Variants in FAM135A observed in about 807,000 individuals in gnomAD.
The protein encoded by FAM135A is protein FAM135A.
FAM135A carries 79 observed loss-of-function variants against 146.8 expected under a neutral mutation model. The observed-to-expected ratio is 0.54, with a 90% CI of 0.45 to 0.65. The LOEUF (loss-of-function observed/expected upper bound fraction) is 0.65. Among genes scored for constraint, FAM135A ranks in the 30% least tolerant of loss-of-function variants. The probability of loss-of-function intolerance (pLI) is 0.00; values close to 1 mark genes in which losing one functional copy is unlikely to be tolerated. For synonymous variants in FAM135A, 562 were observed against 603.6 expected, an observed-to-expected ratio of 0.93 and a Z score of 1.01; for missense variants, 1,623 against 1,758.2, an observed-to-expected ratio of 0.92 and a Z score of 1.38.
intron 5 of FAM135A, among the ~76,000 whole-genome samples, chr6:70,469,465 T>C (rs780879689): frequency 1.1e-4 from 17 of 152,240 alleles, no homozygotes; most frequent in Admixed American, 2.6e-4. Flanking sequence ...TACAACTTCT[T>C]ATCTGGCATG....
intron 12 of FAM135A, chr6:70,513,262 G>C (rs570073211): frequency 2.0e-5 from 3 of 151,502 alleles, no homozygotes; most frequent in East Asian, 3.9e-4. Flanking sequence ...GGCTATTCTA[G>C]ATCTCTTGCA....
intron 12 of FAM135A, among the ~76,000 whole-genome samples, chr6:70,507,343 C>T (rs907601883): frequency 6.6e-6 from 1 of 152,078 alleles, no homozygotes; most frequent in Middle Eastern, 3.2e-3. Context: ...TCTGAGAATA[C>T]AGTGCTAAGC....
In FAM135A at chr6:70,528,357, C is replaced by T; in HGVS notation, c.3680C>T (p.Pro1227Leu). 2 of 1,613,686 alleles carry T rather than the reference C, an allele frequency of 1.2e-6. No individual in the cohort carries two copies. The highest frequency in any genetic ancestry group is 1.7e-6 in the Non-Finnish European group (2 of 1,179,770). Residue 1227 changes from proline (P) to leucine (L), a missense_variant, in exon 16 of 22, where the codon CCT becomes CTT. Pro to Leu is a moderately conservative substitution (Grantham distance 98, BLOSUM62 -3). This residue lies in a region of FAM135A where 1,061 missense variants were observed against 1,113.8 expected (regional missense o/e 0.95). Transcript: ENST00000418814. ...CCTGGGTTCATGTACAGTGAAGTTC[C>T]TCTGCTGGCATCCTCAGTACCTTAT... Reference protein sequence around the residue: ...KLPGFMYSEVPLLASSVPYFS... With the variant: ...KLPGFMYSEVLLLASSVPYFS...
At chr6:70,466,155 C>G (rs1214738971) in intron 5 of FAM135A, among the ~76,000 whole-genome samples, 1 of 152,138 alleles carries the variant, frequency 6.6e-6, no homozygotes, top group Non-Finnish European at 1.5e-5. Flanking sequence ...GAATGTGTAA[C>G]TTTGCATTAT....
At chr6:70,416,209 A>T (rs1416042931) in intron 2 of FAM135A, among the ~76,000 whole-genome samples, 1 of 152,200 alleles carries the variant, frequency 6.6e-6, no homozygotes, top group African/African-American at 2.4e-5. Context: ...GAGTTTTCTA[A>T]TTAGTACATT....
intron 17 of FAM135A, 93 bp from the exon 18 acceptor site, chr6:70,533,664 T>G (rs958350312): frequency 7.1e-5 from 53 of 747,482 alleles, no homozygotes; most frequent in Non-Finnish European, 1.1e-4. Context: ...AACCATACTT[T>G]CAGTACCTAA....
At chr6:70,468,730 GA>G in intron 5 of FAM135A, among the ~76,000 whole-genome samples, 1 of 152,292 alleles carries the variant, frequency 6.6e-6, no homozygotes, top group South Asian at 2.1e-4. Flanking sequence ...TAGAGAGTAA[GA>G]ATCTAGCTGA....
intron 4 of FAM135A, among the ~76,000 whole-genome samples, chr6:70,433,596 G>A (rs2127828635): frequency 6.6e-6 from 1 of 151,018 alleles, no homozygotes; most frequent in African/African-American, 2.4e-5. Context: ...ATCGAAGCTT[G>A]TCCACGCGTT....
Position 70,533,899 on chromosome 6 carries a change from A to C in FAM135A, c.3965+45A>C, listed in dbSNP as rs769264805. On this transcript the variant is annotated intron_variant, in intron 18 of 21. Coordinates refer to ENST00000418814, the MANE Select transcript of FAM135A (RefSeq NM_001162529.3). Reference sequence around the variant, plus strand: ...GCAATTTATTTTTATATTTCTATGAATTGTATAAAAGTTAAACAGAATTTG... The same window carrying C: ...GCAATTTATTTTTATATTTCTATGACTTGTATAAAAGTTAAACAGAATTTG... The C allele has an allele frequency of 5.4e-5, 57 of 1,055,028 alleles. 1 individual carries two copies. The highest frequency in any genetic ancestry group is 7.4e-5 in the Non-Finnish European group (57 of 765,276). 65.4% of individuals were successfully genotyped at this position (1,055,028 alleles called of 1,614,324 possible).
intron 12 of FAM135A, among the ~76,000 whole-genome samples, chr6:70,508,448 A>G (rs1790282579): frequency 1.3e-5 from 2 of 152,316 alleles, no homozygotes; most frequent in South Asian, 2.1e-4. Context: ...TTGTTGTGTT[A>G]TAATGCTTCC....
At chr6:70,445,158 C>T (rs1279245792) in intron 4 of FAM135A, among the ~76,000 whole-genome samples, 4 of 152,140 alleles carry the variant, frequency 2.6e-5, no homozygotes, top group Non-Finnish European at 5.9e-5. Context: ...AAAACTACAG[C>T]CTTTGGACCA....
intron 12 of FAM135A, among the ~76,000 whole-genome samples, chr6:70,508,597 C>A (rs1248816668): frequency 1.3e-5 from 2 of 152,162 alleles, no homozygotes; most frequent in Non-Finnish European, 2.9e-5. Flanking sequence ...CATTGCTGCC[C>A]TAACCAAGCT....
chr6:70,415,835 G>C (rs1767434412), intron 2 of FAM135A, among the ~76,000 whole-genome samples: 1 of 152,084 alleles, frequency 6.6e-6, no homozygotes, highest in Non-Finnish European at 1.5e-5. Flanking sequence ...ACATTAGTTT[G>C]TAGAACCCAC....
intron 20 of FAM135A, among the ~76,000 whole-genome samples, chr6:70,551,863 C>G (rs1382164703): frequency 6.6e-6 from 1 of 152,120 alleles, no homozygotes; most frequent in African/African-American, 2.4e-5. Context: ...CATCAAAGAT[C>G]ACTGATCACA....
chr6:70,441,037 TG>T (rs1225942200), intron 4 of FAM135A, among the ~76,000 whole-genome samples: 4 of 152,210 alleles, frequency 2.6e-5, no homozygotes, highest in Non-Finnish European at 5.9e-5. Context: ...ATTACACATA[TG>T]ATCACTTTTT....
chr6:70,521,779 A>G (rs1308798458), intron 12 of FAM135A, among the ~76,000 whole-genome samples: 4 of 152,256 alleles, frequency 2.6e-5, no homozygotes, highest in Non-Finnish European at 5.9e-5. Context: ...TAAAAATGAA[A>G]GGGTTAAAAT....
intron 4 of FAM135A, among the ~76,000 whole-genome samples, chr6:70,434,563 A>G (rs1772510537): frequency 6.6e-6 from 1 of 152,252 alleles, no homozygotes; most frequent in South Asian, 2.1e-4. Flanking sequence ...ATTTTACTGC[A>G]GATTGGTAAC....
In FAM135A at chr6:70,475,328, A is replaced by C. The variant is rs1474181826; in HGVS notation, c.158-82A>C. 3 of 1,125,352 alleles carry C rather than the reference A, an allele frequency of 2.7e-6. No homozygotes were observed. In the African/African-American group the frequency reaches 4.8e-5, roughly 18 times the overall value. The allele number at this position is 1,125,352 out of a possible 1,614,324, so 69.7% of individuals were successfully genotyped here. A position where few individuals can be genotyped will look rare whatever the true frequency, so the allele number is the denominator to read the frequency against. On this transcript the variant is annotated intron_variant, in intron 5 of 21. Transcript: ENST00000418814. ...ACACTATAGTAATATAATCAAACAT[A>C]CAGTATTTTAAAGTACAAGTGTTAA...
rs185013652 is a variant in FAM135A at position 70,522,565 on chromosome 6, C to T, written c.1082C>T (p.Ala361Val). The change falls in exon 13 of 22, where the codon GCC becomes GTC. Residue 361 changes from alanine (A) to valine (V), a missense_variant. Coordinates refer to ENST00000418814, the MANE Select transcript of FAM135A (RefSeq NM_001162529.3). The part of the protein sequence containing the change: ...FFCFEHPREA[A>V]IAYQELHAQS... ...TGTTTTGAGCATCCAAGAGAAGCTG[C>T]CATTGCATACCAGGAACTTCAGTGA... 4 of 1,613,138 alleles carry T rather than the reference C, an allele frequency of 2.5e-6. No individual in the cohort carries two copies. Among genetic ancestry groups the T allele is most frequent in the East Asian group, 2.2e-5 (1 of 44,846 alleles).
Sources: allele counts gnomAD v4.1 joint callset (sites outside exome capture counted in the v4.1 genomes callset), GRCh38; gene constraint gnomAD v4.1.1; regional missense constraint gnomAD v4.1.1; transcripts MANE v1.5; gene names NCBI Gene and HGNC (gene_info 2026-07-23, HGNC 2026-07-21).